Variants in GNB5 observed in about 807,000 individuals in gnomAD.
GNB5 encodes G protein subunit beta 5, also known as guanine nucleotide-binding protein subunit beta-5.
A neutral mutation model predicts 55.3 loss-of-function variants in GNB5; 37 were observed. The ratio of observed to expected loss-of-function variants is 0.67; its 90% confidence interval spans 0.51 to 0.88. GNB5 has a LOEUF of 0.88. Among genes scored for constraint, GNB5 ranks in the 40% least tolerant of loss-of-function variants. The probability of loss-of-function intolerance (pLI) is 0.00; values close to 1 mark genes in which losing one functional copy is unlikely to be tolerated. For missense variants in GNB5, 476 were observed against 515.3 expected (o/e 0.92, Z 0.74); for synonymous variants, 219 against 198.5 (o/e 1.10, Z -0.87).
intron 2 of GNB5, among the ~76,000 whole-genome samples, chr15:52,182,381 C>A (rs2034784372): frequency 1.3e-5 from 2 of 152,174 alleles, no homozygotes; most frequent in Non-Finnish European, 2.9e-5. Context: ...GTTCAAGGTC[C>A]TCCTGGCTGT....
intron 6 of GNB5, among the ~76,000 whole-genome samples, chr15:52,146,928 A>G (rs1007510831): frequency 1.3e-5 from 2 of 152,046 alleles, no homozygotes; most frequent in Non-Finnish European, 2.9e-5. Flanking sequence ...GTCATTGTCC[A>G]TATGGCTTTT....
chr15:52,150,276 G>A (rs1367603770), intron 4 of GNB5, among the ~76,000 whole-genome samples: 1 of 152,152 alleles, frequency 6.6e-6, no homozygotes, highest in Non-Finnish European at 1.5e-5. Flanking sequence ...AAATTATACA[G>A]GGGAAAGATA....
intron 3 of GNB5, among the ~76,000 whole-genome samples, chr15:52,155,691 G>A (rs1034794370): frequency 1.1e-4 from 16 of 152,188 alleles, no homozygotes; most frequent in Admixed American, 1.3e-4. Context: ...TTCTTGTAAT[G>A]TGGTTTAATG....
At chr15:52,139,664 G>T in intron 7 of GNB5, 3 of 415,574 alleles carry the variant, frequency 7.2e-6, no homozygotes, top group South Asian at 4.7e-5. Flanking sequence ...CTAGAACACA[G>T]CGGAGCCAAG....
chr15:52,138,174 G>A (rs2033770246), intron 7 of GNB5, among the ~76,000 whole-genome samples: 3 of 151,954 alleles, frequency 2.0e-5, no homozygotes, highest in Non-Finnish European at 4.4e-5. Flanking sequence ...CCCAAGGTCA[G>A]GAGTTCAAGA....
At chr15:52,152,391 T>G (rs1195522128) in intron 4 of GNB5, among the ~76,000 whole-genome samples, 1 of 151,888 alleles carries the variant, frequency 6.6e-6, no homozygotes, top group African/African-American at 2.4e-5. Flanking sequence ...TGGCATGGTC[T>G]CAGCTCACTG....
intron 8 of GNB5, among the ~76,000 whole-genome samples, chr15:52,134,756 T>C (rs189776437): frequency 6.6e-6 from 1 of 152,060 alleles, no homozygotes; most frequent in Non-Finnish European, 1.5e-5. Context: ...CACCTGACAG[T>C]GTGTGCGTCA....
intron 3 of GNB5, among the ~76,000 whole-genome samples, chr15:52,159,118 A>G (rs1392691107): frequency 2.6e-5 from 4 of 152,184 alleles, no homozygotes; most frequent in African/African-American, 7.2e-5. Context: ...TTTTACATCA[A>G]TATTTTTTAG....
At chr15:52,131,918 G>A (rs995168784) in intron 9 of GNB5, among the ~76,000 whole-genome samples, 2 of 152,114 alleles carry the variant, frequency 1.3e-5, no homozygotes, top group East Asian at 3.8e-4. Flanking sequence ...CCACTTACTT[G>A]ACATCTTGAA....
chr15:52,142,864 T>G (rs916319240), intron 6 of GNB5, among the ~76,000 whole-genome samples: 6 of 150,490 alleles, frequency 4.0e-5, no homozygotes, highest in Non-Finnish European at 8.9e-5. Flanking sequence ...TTATACAATG[T>G]GCGGAGGAGG....
intron 3 of GNB5, among the ~76,000 whole-genome samples, chr15:52,160,313 A>C (rs1020936390): frequency 1.3e-5 from 2 of 152,198 alleles, no homozygotes; most frequent in African/African-American, 4.8e-5. Context: ...ACAATGACCC[A>C]ATCCATGGGA....
At chr15:52,186,189 G>A (rs1040050937) in intron 1 of GNB5, among the ~76,000 whole-genome samples, 1 of 152,148 alleles carries the variant, frequency 6.6e-6, no homozygotes, top group Non-Finnish European at 1.5e-5. Context: ...ATAACCAGTC[G>A]CTAATCAATG....
intron 3 of GNB5, among the ~76,000 whole-genome samples, chr15:52,174,545 A>G (rs1033319705): frequency 6.6e-6 from 1 of 152,198 alleles, no homozygotes; most frequent in South Asian, 2.1e-4. Context: ...AATACTTCCT[A>G]TATTTAATGT....
intron 8 of GNB5, among the ~76,000 whole-genome samples, chr15:52,134,651 G>C (rs1341042572): frequency 6.6e-6 from 1 of 152,216 alleles, no homozygotes; most frequent in Non-Finnish European, 1.5e-5. Context: ...CAGGGTCCCT[G>C]CTAACTACAG....
rs533505521 is a variant in GNB5, at chr15:52,119,795, A to C, written c.*2962T>G. The stretch of plus-strand genomic sequence containing the variant: ...TCACCAAGGCATCCCTCTAACTCAC[A>C]GAGGAGTCCCAGTATCGGTGGTGCC... On this transcript the variant is annotated 3_prime_UTR_variant, in exon 13 of 13. Transcript: ENST00000261837. The C allele has an allele frequency of 7.9e-5, 12 of 152,164 alleles. No individual in the cohort carries two copies. The highest frequency in any genetic ancestry group is 1.5e-4 in the Non-Finnish European group (10 of 68,068). The allele number at this position is 152,164 out of a possible 1,614,324, so 9.4% of individuals were successfully genotyped here.
intron 11 of GNB5, chr15:52,125,584 A>T (rs1250744055): frequency 5.9e-6 from 1 of 169,036 alleles, no homozygotes; most frequent in East Asian, 1.6e-4. Flanking sequence ...TCCCACCAAG[A>T]AGGGACTCTT....
intron 9 of GNB5, among the ~76,000 whole-genome samples, chr15:52,130,658 C>G (rs2033551634): frequency 6.6e-6 from 1 of 152,226 alleles, no homozygotes; most frequent in African/African-American, 2.4e-5. Flanking sequence ...GATGAGTAAA[C>G]TGGCCATGCA....
chr15:52,155,484 A>C (rs1043115121), intron 3 of GNB5, among the ~76,000 whole-genome samples: 2 of 152,214 alleles, frequency 1.3e-5, no homozygotes, highest in East Asian at 3.8e-4. Flanking sequence ...TTAAATAACC[A>C]AAGTGTAATC....
intron 3 of GNB5, among the ~76,000 whole-genome samples, chr15:52,176,914 C>T (rs2034660196): frequency 6.6e-6 from 1 of 152,164 alleles, no homozygotes; most frequent in South Asian, 2.1e-4. Context: ...GCATAACCTG[C>T]AGCTGGACTC....
Sources: allele counts gnomAD v4.1 joint callset (sites outside exome capture counted in the v4.1 genomes callset), GRCh38; gene constraint gnomAD v4.1.1; transcripts MANE v1.5; gene names NCBI Gene and HGNC (gene_info 2026-07-23, HGNC 2026-07-21).